Variants in GRIA4 observed in about 807,000 individuals in gnomAD.
GRIA4 encodes glutamate receptor 4.
Under a neutral mutation model 104.0 loss-of-function variants are expected in GRIA4, and 34 were observed. The ratio of observed to expected loss-of-function variants is 0.33; its 90% CI spans 0.25 to 0.44. The LOEUF (loss-of-function observed/expected upper bound fraction) is 0.44. Among genes scored for constraint, GRIA4 ranks in the 20% least tolerant of loss-of-function variants. The pLI, the probability that GRIA4 is intolerant of heterozygous loss-of-function variation, is 1.00. For missense variants in GRIA4, 750 were observed against 1,096.5 expected, an observed-to-expected ratio of 0.68 and a Z score of 4.46; for synonymous variants, 386 against 381.9, an observed-to-expected ratio of 1.01 and a Z score of -0.13.
At chr11:105,680,520 T>C (rs1037386324) in intron 3 of GRIA4, among the ~76,000 whole-genome samples, 2 of 152,028 alleles carry the variant, frequency 1.3e-5, no homozygotes, top group Admixed American at 6.6e-5. Context: ...GTAAGACTAG[T>C]GGTTTTTGTG....
At chr11:105,910,582 G>T in intron 10 of GRIA4, 37 bp downstream of exon 10, 1 of 1,095,362 alleles carries the variant, frequency 9.1e-7, no homozygotes, top group Non-Finnish European at 1.4e-6. Context: ...GTTCCGTTTT[G>T]TCCACAGGCA....
intron 3 of GRIA4, among the ~76,000 whole-genome samples, chr11:105,723,648 A>C (rs547770598): frequency 6.6e-6 from 1 of 152,132 alleles, no homozygotes; most frequent in Non-Finnish European, 1.5e-5. Flanking sequence ...CTTGATCTAG[A>C]CCATTCACTG....
intron 3 of GRIA4, among the ~76,000 whole-genome samples, chr11:105,734,108 C>T (rs1244014137): frequency 6.8e-6 from 1 of 147,160 alleles, no homozygotes; most frequent in Non-Finnish European, 1.5e-5. Flanking sequence ...AAATATCTTG[C>T]CCATGGCCTT....
intron 4 of GRIA4, among the ~76,000 whole-genome samples, chr11:105,834,281 A>T (rs572080852): frequency 1.7e-3 from 252 of 152,208 alleles, no homozygotes; most frequent in African/African-American, 5.7e-3. Flanking sequence ...TACTCAAGAT[A>T]ATGAGTATTA....
intron 5 of GRIA4, among the ~76,000 whole-genome samples, chr11:105,868,818 T>C (rs1945517737): frequency 6.6e-6 from 1 of 152,180 alleles, no homozygotes; most frequent in African/African-American, 2.4e-5. Flanking sequence ...CTTGCTGCTT[T>C]GCTTCATTAT....
At chr11:105,611,644 C>A (rs146750850) in intron 2 of GRIA4, among the ~76,000 whole-genome samples, 2 of 152,096 alleles carry the variant, frequency 1.3e-5, no homozygotes, top group Admixed American at 6.6e-5. Context: ...CTTCTTGAAG[C>A]TTTTGCCCTT....
intron 3 of GRIA4, among the ~76,000 whole-genome samples, chr11:105,703,300 A>G (rs1953570988): frequency 6.6e-6 from 1 of 152,216 alleles, no homozygotes; most frequent in Non-Finnish European, 1.5e-5. Context: ...TGAAGACATT[A>G]TAACATATGT....
At chr11:105,700,460 A>G (rs891491453) in intron 3 of GRIA4, among the ~76,000 whole-genome samples, 8 of 152,122 alleles carry the variant, frequency 5.3e-5, no homozygotes, top group Admixed American at 3.3e-4. Context: ...TTTCCTCCAT[A>G]TTTAAGCCTC....
intron 4 of GRIA4, among the ~76,000 whole-genome samples, chr11:105,800,093 C>CA (rs1168761363): frequency 6.6e-6 from 1 of 151,764 alleles, no homozygotes; most frequent in East Asian, 1.9e-4. Context: ...AAAGATAGAA[C>CA]AAAAAAAGTA....
intron 14 of GRIA4, among the ~76,000 whole-genome samples, chr11:105,950,631 T>G (rs1306455566): frequency 2.0e-5 from 3 of 152,314 alleles, no homozygotes; most frequent in African/African-American, 7.2e-5. Context: ...TTGGTAATGC[T>G]TTTCAAAGAA....
chr11:105,649,844 A>G (rs1311809738), intron 3 of GRIA4, among the ~76,000 whole-genome samples: 1 of 152,074 alleles, frequency 6.6e-6, no homozygotes, highest in African/African-American at 2.4e-5. Context: ...AATATTGTAA[A>G]TTATTCTAAT....
At chr11:105,913,786 T>A (rs960423274) in intron 10 of GRIA4, among the ~76,000 whole-genome samples, 1 of 152,096 alleles carries the variant, frequency 6.6e-6, no homozygotes, top group African/African-American at 2.4e-5. Flanking sequence ...TTATGATGCA[T>A]TGCTCAACTA....
Position 105,979,970 on chromosome 11 carries a change from T to A in GRIA4, c.*231T>A, listed in dbSNP as rs946870853. On this transcript the variant is annotated 3_prime_UTR_variant, in exon 17 of 17. Transcript: ENST00000282499. ...GGAAAACTCACAATTGAGGTTTTTTTCGGGGAGTGGGTGGGGGAGGGATCT... is the reference window on the plus strand; with the variant it reads ...GGAAAACTCACAATTGAGGTTTTTTACGGGGAGTGGGTGGGGGAGGGATCT... 1 of 435,130 alleles carries A rather than the reference T, an allele frequency of 2.3e-6. No individual in the cohort carries two copies. 27.0% of individuals were successfully genotyped at this position (435,130 alleles called of 1,614,324 possible).
chr11:105,923,957 A>G (rs1947637909), intron 11 of GRIA4, among the ~76,000 whole-genome samples: 1 of 152,152 alleles, frequency 6.6e-6, no homozygotes, highest in African/African-American at 2.4e-5. Flanking sequence ...CATAATATTA[A>G]GGGATGGCCA....
At chr11:105,719,842 G>A (rs1260233011) in intron 3 of GRIA4, among the ~76,000 whole-genome samples, 2 of 151,244 alleles carry the variant, frequency 1.3e-5, no homozygotes, top group African/African-American at 4.9e-5. Flanking sequence ...AATTACAAAT[G>A]TGGTGAGTTT....
chr11:105,953,179 C>T (rs928803211), intron 14 of GRIA4, among the ~76,000 whole-genome samples: 17 of 152,238 alleles, frequency 1.1e-4, no homozygotes, highest in Non-Finnish European at 2.1e-4. Context: ...GGTAGAATTG[C>T]GAATGCAAAA....
chr11:105,913,508 C>A (rs1591439458), intron 10 of GRIA4: 1 of 672,322 alleles, frequency 1.5e-6, no homozygotes, highest in Non-Finnish European at 1.8e-6. Context: ...AGACTGTGAC[C>A]ATATTGATTT....
chr11:105,832,275 A>T (rs1275765242), intron 4 of GRIA4, among the ~76,000 whole-genome samples: 2 of 151,870 alleles, frequency 1.3e-5, no homozygotes, highest in Admixed American at 1.3e-4. Flanking sequence ...GAATGCAAAG[A>T]TGTCTGCTTA....
At chr11:105,789,617 T>A (rs1454257726) in intron 4 of GRIA4, among the ~76,000 whole-genome samples, 3 of 152,158 alleles carry the variant, frequency 2.0e-5, no homozygotes, top group African/African-American at 7.2e-5. Flanking sequence ...CAGCTCTACC[T>A]CTTTAGGCAT....
Sources: allele counts gnomAD v4.1 joint callset (sites outside exome capture counted in the v4.1 genomes callset), GRCh38; gene constraint gnomAD v4.1.1; transcripts MANE v1.5; gene names NCBI Gene and HGNC (gene_info 2026-07-23, HGNC 2026-07-21).